TMPRSS11A: variants seen among roughly 807,000 people sequenced by gnomAD.
TMPRSS11A encodes transmembrane protease serine 11A.
TMPRSS11A carries 53 observed loss-of-function variants against 58.9 expected under a neutral mutation model. The observed-to-expected ratio is 0.90, with a 90% CI of 0.72 to 1.13. The LOEUF (loss-of-function observed/expected upper bound fraction) is 1.13, where lower values mean the gene tolerates loss of function less well. TMPRSS11A is among the 50% of genes most tolerant of loss of function. The pLI, the probability that TMPRSS11A is intolerant of heterozygous loss-of-function variation, is 0.00. For missense variants in TMPRSS11A, 493 were observed against 499.3 expected, an observed-to-expected ratio of 0.99 and a Z score of 0.12; for synonymous variants, 167 against 169.8, an observed-to-expected ratio of 0.98 and a Z score of 0.13.
At position 67,929,995 on chromosome 4, in the gene TMPRSS11A, C is replaced by T. The variant is rs774237162; in HGVS notation, c.366G>A (p.Gln122=). 1 of 1,613,660 alleles carries T rather than the reference C, an allele frequency of 6.2e-7. No individual in the cohort carries two copies. Among genetic ancestry groups the T allele is most frequent in the East Asian group, 2.2e-5 (1 of 44,874 alleles). ...GVKVDVIMVF[Q]FPSTEQRAVR... ...CTGCCCTTTGTTCAGTAGAGGGGAA[C>T]TGGAACACCATAATGACATCTACTT... The change falls in exon 5 of 10, where the codon CAG becomes CAA. Residue 122 remains glutamine, a synonymous_variant. Transcript: ENST00000508048.
intron 3 of TMPRSS11A, among the ~76,000 whole-genome samples, chr4:67,936,064 C>T (rs569232226): frequency 6.6e-6 from 1 of 152,152 alleles, no homozygotes; most frequent in South Asian, 2.1e-4. Context: ...AAGTTGACAC[C>T]ACAGAGTTCA....
At chr4:67,933,903 C>A (rs1364411808) in intron 3 of TMPRSS11A, among the ~76,000 whole-genome samples, 1 of 152,136 alleles carries the variant, frequency 6.6e-6, no homozygotes, top group African/African-American at 2.4e-5. Flanking sequence ...TGATTCCTGG[C>A]CATTTGTAAC....
chr4:67,934,868 TAGGG>T (rs1307850713), intron 3 of TMPRSS11A, among the ~76,000 whole-genome samples: 3 of 152,132 alleles, frequency 2.0e-5, no homozygotes, highest in African/African-American at 7.2e-5. Flanking sequence ...TGTATTCACT[TAGGG>T]AGTGTTTTGT....
intron 3 of TMPRSS11A, among the ~76,000 whole-genome samples, chr4:67,939,886 A>G (rs1205914707): frequency 1.3e-5 from 2 of 151,956 alleles, no homozygotes; most frequent in South Asian, 2.1e-4. Flanking sequence ...ATGGGGTTTC[A>G]CCATGTTGGC....
chr4:67,959,540 A>G (rs1053299102), intron 1 of TMPRSS11A, among the ~76,000 whole-genome samples: 1 of 152,244 alleles, frequency 6.6e-6, no homozygotes, highest in Non-Finnish European at 1.5e-5. Context: ...GGCAAAAGAT[A>G]TGAACAGACA....
chr4:67,947,138 CAT>C (rs1721036351), intron 1 of TMPRSS11A, among the ~76,000 whole-genome samples: 1 of 151,980 alleles, frequency 6.6e-6, no homozygotes, highest in Non-Finnish European at 1.5e-5. Context: ...TGAAATAAAA[CAT>C]CGTGACTTTT....
chr4:67,957,803 T>G (rs1721323512), intron 1 of TMPRSS11A, among the ~76,000 whole-genome samples: 1 of 152,082 alleles, frequency 6.6e-6, no homozygotes, highest in Non-Finnish European at 1.5e-5. Context: ...AGGCAGCTCC[T>G]CCCATCACAG....
chr4:67,913,903 G>A (rs1316301186), intron 9 of TMPRSS11A, among the ~76,000 whole-genome samples: 1 of 152,172 alleles, frequency 6.6e-6, no homozygotes, highest in Non-Finnish European at 1.5e-5. Context: ...AAAAGCAAGT[G>A]TCTCCAGGAA....
chr4:67,937,932 A>G (rs1258139276), intron 3 of TMPRSS11A, among the ~76,000 whole-genome samples: 1 of 152,140 alleles, frequency 6.6e-6, no homozygotes, highest in Non-Finnish European at 1.5e-5. Flanking sequence ...CAGTAAGAGG[A>G]TTGCTAGGTT....
chr4:67,914,482 G>T (rs1720091940), intron 9 of TMPRSS11A, 106 bp downstream of exon 9: 1 of 1,027,262 alleles, frequency 9.7e-7, no homozygotes, highest in Non-Finnish European at 1.4e-6. Context: ...ACTTTTTTGA[G>T]CTGACATGAT....
rs1719914662 is a variant in TMPRSS11A at position 67,909,599 on chromosome 4, A to G, written c.*1743T>C. On this transcript the variant is annotated 3_prime_UTR_variant, in exon 10 of 10. Transcript: ENST00000508048. Reference sequence around the variant, plus strand: ...TTTATATGCCTATGTATATTTATATATGAAGAAGAAACTTTGTCTTGAAGT... The same window carrying G: ...TTTATATGCCTATGTATATTTATATGTGAAGAAGAAACTTTGTCTTGAAGT... The G allele has an allele frequency of 6.6e-6, 1 of 152,182 alleles. No individual in the cohort carries two copies. The highest frequency in any genetic ancestry group is 1.5e-5 in the Non-Finnish European group (1 of 67,988). The allele number at this position is 152,182 out of a possible 1,614,324, so 9.4% of individuals were successfully genotyped here.
At chr4:67,958,039 T>G (rs951584994) in intron 1 of TMPRSS11A, among the ~76,000 whole-genome samples, 16 of 152,168 alleles carry the variant, frequency 1.1e-4, no homozygotes, top group Middle Eastern at 3.2e-3. Flanking sequence ...AATTGAGGTT[T>G]GGCAACCTCC....
At chr4:67,942,018 A>G (rs1411058107) in intron 3 of TMPRSS11A, among the ~76,000 whole-genome samples, 5 of 152,232 alleles carry the variant, frequency 3.3e-5, no homozygotes, top group Non-Finnish European at 5.9e-5. Flanking sequence ...GCAAAGCAAT[A>G]CAAATAAGGT....
intron 1 of TMPRSS11A, among the ~76,000 whole-genome samples, chr4:67,948,147 CTTTTTTTTT>C (rs10577639): frequency 5.1e-5 from 5 of 98,292 alleles, no homozygotes; most frequent in Admixed American, 3.5e-4. Context: ...CAGTTTTTTT[CTTTTTTTTT>C]TTTTTTTTTT....
At chr4:67,916,570 T>C (rs149134828) in intron 8 of TMPRSS11A, among the ~76,000 whole-genome samples, 3,044 of 152,258 alleles carry the variant, frequency 0.02, 106 homozygotes, top group African/African-American at 0.069. Context: ...CTCACGCCTG[T>C]AATCCCAGCA....
rs1719964260 is a variant in TMPRSS11A, at chr4:67,911,087, T to C, written c.*255A>G. 1 of 323,466 alleles carries C rather than the reference T, an allele frequency of 3.1e-6. No individual in the cohort carries two copies. The highest frequency in any genetic ancestry group is 5.7e-6 in the Non-Finnish European group (1 of 175,746). 20.0% of individuals were successfully genotyped at this position (323,466 alleles called of 1,614,324 possible). ...ATTGAGTCTCACTGGTACTTCAACA[T>C]TCGTGATTTAAAGAGCTAAGTATCT... On this transcript the variant is annotated 3_prime_UTR_variant, in exon 10 of 10. Coordinates refer to ENST00000508048, the MANE Select transcript of TMPRSS11A (RefSeq NM_001114387.2).
chr4:67,943,809 G>T (rs1243952283), intron 3 of TMPRSS11A, among the ~76,000 whole-genome samples: 1 of 152,130 alleles, frequency 6.6e-6, no homozygotes, highest in African/African-American at 2.4e-5. Flanking sequence ...GAAAGAAAGT[G>T]TCTTAAAAAT....
At chr4:67,934,817 T>C (rs1482616192) in intron 3 of TMPRSS11A, among the ~76,000 whole-genome samples, 1 of 152,216 alleles carries the variant, frequency 6.6e-6, no homozygotes, top group Non-Finnish European at 1.5e-5. Flanking sequence ...CCTGCTTTTC[T>C]CTGCAGGTGC....
chr4:67,932,183 G>A (rs1177694027), intron 3 of TMPRSS11A, 123 bp from the exon 4 acceptor site: 1 of 548,746 alleles, frequency 1.8e-6, no homozygotes, highest in Admixed American at 3.0e-5. Flanking sequence ...ATTTAAATTG[G>A]TGGATCTCAG....
Sources: allele counts gnomAD v4.1 joint callset (sites outside exome capture counted in the v4.1 genomes callset), GRCh38; gene constraint gnomAD v4.1.1; transcripts MANE v1.5; gene names NCBI Gene and HGNC (gene_info 2026-07-23, HGNC 2026-07-21).